The following RPL11 variants were observed in gnomAD, a reference collection of about 807,000 sequenced individuals.
RPL11 encodes the protein large ribosomal subunit protein uL5.
RPL11 carries 3 observed loss-of-function variants against 24.1 expected under a neutral mutation model. The ratio of observed to expected loss-of-function variants is 0.12; its 90% confidence interval spans 0.06 to 0.32. RPL11 has a LOEUF of 0.32. Among genes scored for constraint, RPL11 ranks in the 10% least tolerant of loss-of-function variants. The probability of loss-of-function intolerance (pLI) is 1.00; values close to 1 mark genes in which losing one functional copy is unlikely to be tolerated. For missense variants in RPL11, 146 were observed against 225.7 expected (o/e 0.65, Z 2.26); for synonymous variants, 96 against 75.7 (o/e 1.27, Z -1.39).
At chr1:23,691,975 A>G in intron 1 of RPL11, 146 bp downstream of exon 1, 3 of 1,092,284 alleles carry the variant, frequency 2.7e-6, no homozygotes, top group Non-Finnish European at 2.8e-6. Context: ...CGTTCGAGCC[A>G]AGGACGCAGG....
In RPL11 at chr1:23,693,800, C is replaced by T. The variant is rs768654673; in HGVS notation, c.158-7C>T. ...GCATCTGACTCCTTGTTACCCACTT[C>T]CTGCAGCTAGATACACTGTCAGATC... On this transcript the variant is annotated splice_region_variant and splice_polypyrimidine_tract_variant and intron_variant, in intron 2 of 5. Coordinates refer to ENST00000643754, the MANE Select transcript of RPL11 (RefSeq NM_000975.5). 8.7e-6 allele frequency: 14 copies of T among 1,611,290 alleles called. No individual in the cohort carries two copies. Among genetic ancestry groups the T allele is most frequent in the South Asian group, 2.2e-5 (2 of 91,018 alleles).
intron 4 of RPL11, 164 bp from the exon 5 acceptor site, chr1:23,695,634 T>G: frequency 1.4e-6 from 1 of 701,936 alleles, no homozygotes; most frequent in Non-Finnish European, 2.5e-6. Context: ...GTGTGTTGCG[T>G]GGGATGCTGG....
At position 23,693,928 on chromosome 1, in the gene RPL11, CT is replaced by C; in HGVS notation, c.264+16del. ...AGGGTCTAAAGGTGAGCCTAATCCC[CT>C]AATGGAGTGATATTGATCAGCACTC... On this transcript the variant is annotated intron_variant, in intron 3 of 5. Transcript: ENST00000643754. 2 of 1,578,846 alleles carry C rather than the reference CT, an allele frequency of 1.3e-6. No individual in the cohort carries two copies. The highest frequency in any genetic ancestry group is 1.7e-6 in the Non-Finnish European group (2 of 1,147,884).
chr1:23,694,544 C>G lies in RPL11; in HGVS notation c.265-116C>G. The G allele has an allele frequency of 2.1e-6, 3 of 1,434,930 alleles. No individual in the cohort carries two copies. The South Asian group carries it at 3.5e-5, about 17-fold the overall frequency. The allele number at this position is 1,434,930 out of a possible 1,614,324, so 88.9% of individuals were successfully genotyped here. On this transcript the variant is annotated intron_variant, in intron 3 of 5. Transcript: ENST00000643754. ...TCAGGTTGTGTTCTCAGCCAAGTTT[C>G]ATTGACTTCTGTTTGCTCTGGGGTG... is the stretch of plus-strand genomic sequence containing the variant.
chr1:23,693,280 T>C (rs752617949), intron 2 of RPL11, among the ~76,000 whole-genome samples: 4 of 152,214 alleles, frequency 2.6e-5, no homozygotes, highest in South Asian at 2.1e-4. Flanking sequence ...AAGAGGGTAA[T>C]ACTTTATAAT....
rs532857466 is a variant in RPL11 at position 23,693,767 on chromosome 1, G to A, written c.158-40G>A. ...TGGGAAAGAGGTGAGTGTAGTGGGG[G>A]TATGATGGCATCTGACTCCTTGTTA... On this transcript the variant is annotated intron_variant, in intron 2 of 5. Transcript: ENST00000643754. 7 of 1,361,690 alleles carry A rather than the reference G, an allele frequency of 5.1e-6. No homozygotes were observed. In the South Asian group the frequency reaches 7.0e-5, roughly 14 times the overall value. The allele number at this position is 1,361,690 out of a possible 1,614,324, so 84.4% of individuals were successfully genotyped here.
In RPL11 at chr1:23,696,628, T is replaced by C; in HGVS notation, c.*255T>C. On this transcript the variant is annotated 3_prime_UTR_variant, in exon 6 of 6. Transcript: ENST00000643754. Reference sequence around the variant, plus strand: ...CCTTGGTTGATGTGCTGTGGTGCAGTAGCCCCATTTGGAGGGGAGGGTTTG... The same window carrying C: ...CCTTGGTTGATGTGCTGTGGTGCAGCAGCCCCATTTGGAGGGGAGGGTTTG... 1 of 571,374 alleles carries C rather than the reference T, an allele frequency of 1.8e-6. No individual in the cohort carries two copies. Among genetic ancestry groups the C allele is most frequent in the Non-Finnish European group, 3.1e-6 (1 of 319,848 alleles). The allele number at this position is 571,374 out of a possible 1,614,324, so 35.4% of individuals were successfully genotyped here.
At position 23,693,768 on chromosome 1, in the gene RPL11, T is replaced by G. The variant is rs765277053; in HGVS notation, c.158-39T>G. On this transcript the variant is annotated intron_variant, in intron 2 of 5. Coordinates refer to ENST00000643754, the MANE Select transcript of RPL11 (RefSeq NM_000975.5). ...GGGAAAGAGGTGAGTGTAGTGGGGG[T>G]ATGATGGCATCTGACTCCTTGTTAC... The G allele has an allele frequency of 5.8e-6, 8 of 1,370,572 alleles. No homozygotes were observed. The Middle Eastern group carries it at 7.1e-4, about 122-fold the overall frequency. 84.9% of individuals were successfully genotyped at this position (1,370,572 alleles called of 1,614,324 possible).
At chr1:23,693,261 C>T (rs1644512562) in intron 2 of RPL11, among the ~76,000 whole-genome samples, 2 of 152,128 alleles carry the variant, frequency 1.3e-5, no homozygotes, top group African/African-American at 4.8e-5. Context: ...CTGCTTTTTT[C>T]TTTGCATAAA....
intron 5 of RPL11, among the ~76,000 whole-genome samples, 178 bp from the exon 6 acceptor site, chr1:23,696,166 T>C (rs947352542): frequency 6.6e-6 from 1 of 152,068 alleles, no homozygotes; most frequent in African/African-American, 2.4e-5. Context: ...CTTTCTCAGA[T>C]GATAGTGCAG....
intron 3 of RPL11, among the ~76,000 whole-genome samples, chr1:23,694,365 G>A (rs1644520555): frequency 6.6e-6 from 1 of 151,654 alleles, no homozygotes; most frequent in Non-Finnish European, 1.5e-5. Context: ...GCCACAGAGT[G>A]AGACTCTTGT....
In RPL11 at chr1:23,695,755, G is replaced by T; in HGVS notation, c.397-43G>T. 2.0e-6 allele frequency: 3 copies of T among 1,532,652 alleles called. No homozygotes were observed. The South Asian group carries it at 3.6e-5, about 18-fold the overall frequency. The allele number at this position is 1,532,652 out of a possible 1,614,324, so 94.9% of individuals were successfully genotyped here. ...GTGTGAGTCTTGTCCATCTGCTCTTGACTCTGAGCTGGCTAGGTGACTGTT... is the reference window on the plus strand; with the variant it reads ...GTGTGAGTCTTGTCCATCTGCTCTTTACTCTGAGCTGGCTAGGTGACTGTT... On this transcript the variant is annotated intron_variant, in intron 4 of 5. Transcript: ENST00000643754.
chr1:23,691,959 C>A (rs186301107), intron 1 of RPL11, 130 bp downstream of exon 1: 1 of 1,224,850 alleles, frequency 8.2e-7, no homozygotes, highest in East Asian at 2.3e-5. Flanking sequence ...CCAAAACTAG[C>A]AGAGCCGTTC....
intron 2 of RPL11, among the ~76,000 whole-genome samples, chr1:23,693,506 G>A (rs577074032): frequency 3.9e-4 from 60 of 152,336 alleles, no homozygotes; most frequent in African/African-American, 1.4e-3. Context: ...TTTGGAACAT[G>A]ATAATCTTAC....
Position 23,696,439 on chromosome 1 carries a change from T to G in RPL11, c.*66T>G. 2 of 1,513,788 alleles carry G rather than the reference T, an allele frequency of 1.3e-6. No homozygotes were observed. Among genetic ancestry groups the G allele is most frequent in the Non-Finnish European group, 1.8e-6 (2 of 1,090,262 alleles). The allele number at this position is 1,513,788 out of a possible 1,614,324, so 93.8% of individuals were successfully genotyped here. ...TGAAATGTGCAATTCTGTTGTGTGT[T>G]CTGTGAAAGGATCCTGGCCATATTC... On this transcript the variant is annotated 3_prime_UTR_variant, in exon 6 of 6. Coordinates refer to ENST00000643754, the MANE Select transcript of RPL11 (RefSeq NM_000975.5).
chr1:23,692,230 G>T (rs921719998), intron 1 of RPL11: 1 of 426,032 alleles, frequency 2.3e-6, no homozygotes. Flanking sequence ...CGAATAGGAT[G>T]CTGGACGTCG....
intron 4 of RPL11, chr1:23,695,430 A>G (rs560562135): frequency 1.5e-4 from 46 of 307,330 alleles, no homozygotes; most frequent in South Asian, 1.4e-3. Context: ...GGAAGAAAAT[A>G]TATATATTTG....
intron 3 of RPL11, 93 bp from the exon 4 acceptor site, chr1:23,694,567 G>A (rs187466853): frequency 2.6e-6 from 4 of 1,548,746 alleles, no homozygotes; most frequent in African/African-American, 1.4e-5. Flanking sequence ...TTGCTCTGGG[G>A]TGCATGTTGC....
intron 4 of RPL11, chr1:23,695,044 G>C: frequency 3.8e-6 from 2 of 525,756 alleles, no homozygotes; most frequent in South Asian, 2.0e-5. Context: ...ATGGCTTAAA[G>C]GTGGATGAAG....
Sources: allele counts gnomAD v4.1 joint callset (sites outside exome capture counted in the v4.1 genomes callset), GRCh38; gene constraint gnomAD v4.1.1; transcripts MANE v1.5; gene names NCBI Gene and HGNC (gene_info 2026-07-23, HGNC 2026-07-21).